The following GALC variants were observed in gnomAD, a reference collection of about 807,000 sequenced individuals.
The protein encoded by GALC is galactosylceramidase.
A neutral mutation model predicts 91.8 loss-of-function variants in GALC; 77 were observed. That is an observed-to-expected ratio of 0.84 (90% confidence interval 0.70 to 1.01). The LOEUF is 1.01. Among genes scored for constraint, GALC ranks in the 50% least tolerant of loss-of-function variants. GALC has a pLI of 0.00. For synonymous variants in GALC, 357 were observed against 306.7 expected (o/e 1.16, Z -1.71); for missense variants, 882 against 855.9 (o/e 1.03, Z -0.38).
intron 1 of GALC, among the ~76,000 whole-genome samples, chr14:87,991,701 T>C (rs1887208417): frequency 6.6e-6 from 1 of 152,242 alleles, no homozygotes; most frequent in South Asian, 2.1e-4. Context: ...ATGAACTATA[T>C]AGGGATACTA....
intron 1 of GALC, chr14:87,992,703 C>T: frequency 7.0e-7 from 1 of 1,432,760 alleles, no homozygotes; most frequent in South Asian, 1.5e-5. Context: ...AGACCTGTCA[C>T]TTTACTCTCT....
chr14:87,972,419 C>T (rs1886331106), intron 7 of GALC, among the ~76,000 whole-genome samples: 1 of 151,776 alleles, frequency 6.6e-6, no homozygotes, highest in African/African-American at 2.4e-5. Flanking sequence ...AAAATCTTTC[C>T]AAGAGGAGAT....
chr14:87,936,914 T>TATATATATATCTATATA (rs60680373), intron 16 of GALC, among the ~76,000 whole-genome samples: 1 of 105,662 alleles, frequency 9.5e-6, no homozygotes, highest in Non-Finnish European at 1.8e-5. Flanking sequence ...ATATATATAT[T>TATATATATATCTATATA]TATTTATTTT....
intron 14 of GALC, among the ~76,000 whole-genome samples, chr14:87,943,680 T>C (rs1181682694): frequency 6.6e-6 from 1 of 151,984 alleles, no homozygotes; most frequent in African/African-American, 2.4e-5. Context: ...ATCTCCACCA[T>C]AAAGTGGTTG....
intron 1 of GALC, 28 bp downstream of exon 1, chr14:87,992,942 C>A: frequency 2.7e-6 from 4 of 1,502,574 alleles, no homozygotes; most frequent in South Asian, 1.2e-5. Context: ...TTGCCGCCCC[C>A]CGCGTATCCC....
chr14:87,992,545 C>G, intron 1 of GALC: 1 of 1,516,758 alleles, frequency 6.6e-7, no homozygotes, highest in South Asian at 1.2e-5. Flanking sequence ...CAAAGCATCC[C>G]ACTGGGGCGT....
chr14:87,989,774 T>C (rs543431408), intron 1 of GALC: 1 of 152,324 alleles, frequency 6.6e-6, no homozygotes, highest in East Asian at 1.9e-4. Context: ...CTTCCCAAAA[T>C]ACAAATGTAA....
rs143180870 is a variant in GALC, at chr14:87,955,625, C to T, written c.1162-4877G>A. ...AATCATTTCCTTGATTACAACTATA[C>T]ATGATAATGGATTAGTTTATATAAA... On this transcript the variant is annotated intron_variant, in intron 10 of 16. Transcript: ENST00000261304. Among the ~76,000 whole-genome samples the T allele has an allele frequency of 4.0e-3, 611 of 152,148 alleles. 2 individuals are homozygous for T. Among genetic ancestry groups the T allele is most frequent in the African/African-American group, 0.014 (587 of 41,538 alleles).
upstream of GALC, chr14:87,993,338 C>G: frequency 2.6e-6 from 4 of 1,535,488 alleles, no homozygotes; most frequent in Non-Finnish European, 3.5e-6. Context: ...TTTTTCTTAT[C>G]GCTCGCGTGT....
Position 87,941,534 on chromosome 14 carries a change from A to G in GALC, c.1695T>C (p.Asp565=), listed in dbSNP as rs1283585586. 6 of 1,583,036 alleles carry G rather than the reference A, an allele frequency of 3.8e-6. No homozygotes were observed. The highest frequency in any genetic ancestry group is 3.5e-6 in the Non-Finnish European group (4 of 1,152,268). The change falls in exon 15 of 17, where the codon GAT becomes GAC. Residue 565 remains aspartate, a synonymous_variant. Coordinates refer to ENST00000261304, the MANE Select transcript of GALC (RefSeq NM_000153.4). ...YNWTNLTIKC[D]VYIETPDTGG... Reference sequence around the variant, plus strand: ...CTGTGTCAGGGGTCTCTATGTATACATCACACTTTATAGTCAGATTGGTCC... The same window carrying G: ...CTGTGTCAGGGGTCTCTATGTATACGTCACACTTTATAGTCAGATTGGTCC...
intron 14 of GALC, among the ~76,000 whole-genome samples, chr14:87,942,155 C>T (rs1398768375): frequency 6.6e-6 from 1 of 152,000 alleles, no homozygotes; most frequent in East Asian, 1.9e-4. Flanking sequence ...ACCTGGAGGG[C>T]TTCTTAAACT....
intron 6 of GALC, among the ~76,000 whole-genome samples, chr14:87,980,120 T>C (rs1403689674): frequency 6.6e-6 from 1 of 152,162 alleles, no homozygotes; most frequent in Non-Finnish European, 1.5e-5. Flanking sequence ...CAGTGGCTCA[T>C]GCCTGTAATC....
chr14:87,977,378 T>G (rs1886544090), intron 6 of GALC, among the ~76,000 whole-genome samples: 1 of 152,116 alleles, frequency 6.6e-6, no homozygotes, highest in African/African-American at 2.4e-5. Flanking sequence ...CCATGAGGAC[T>G]CTAAAAGAAG....
rs1224105982 is a variant in GALC, at chr14:87,953,741, A to T, written c.1162-2993T>A. On this transcript the variant is annotated intron_variant, in intron 10 of 16. Coordinates refer to ENST00000261304, the MANE Select transcript of GALC (RefSeq NM_000153.4). ...GGAGATTCTGTTGTAGAAATGGATCAGAGGAATGTGTCTGAATTTAAGGGT... is the reference window on the plus strand; with the variant it reads ...GGAGATTCTGTTGTAGAAATGGATCTGAGGAATGTGTCTGAATTTAAGGGT... 7 of 1,606,112 alleles carry T rather than the reference A, an allele frequency of 4.4e-6. No homozygotes were observed. The East Asian group carries it at 1.3e-4, about 31-fold the overall frequency.
intron 8 of GALC, among the ~76,000 whole-genome samples, chr14:87,966,265 A>G (rs1314454912): frequency 2.0e-5 from 3 of 152,182 alleles, no homozygotes; most frequent in Non-Finnish European, 2.9e-5. Context: ...CACTTCATCT[A>G]TAAGTAGTAA....
intron 12 of GALC, among the ~76,000 whole-genome samples, chr14:87,948,809 TAA>T (rs754249131): frequency 5.9e-5 from 9 of 152,130 alleles, no homozygotes; most frequent in Admixed American, 2.6e-4. Context: ...TTTCAGAACT[TAA>T]TACATAATAA....
chr14:87,937,035 T>C lies in GALC; in HGVS notation c.1912-2157A>G, dbSNP rs115879002. On this transcript the variant is annotated intron_variant, in intron 16 of 16. Coordinates refer to ENST00000261304, the MANE Select transcript of GALC (RefSeq NM_000153.4). ...AGAATATAGTAGACTTCAAAGTCCATTGTGCTACCCACCATGCAACAGAAC... is the reference window on the plus strand; with the variant it reads ...AGAATATAGTAGACTTCAAAGTCCACTGTGCTACCCACCATGCAACAGAAC... Among the ~76,000 whole-genome samples the C allele has an allele frequency of 2.3e-3, 351 of 151,500 alleles. 1 individual carries two copies. The highest frequency in any genetic ancestry group is 8.1e-3 in the African/African-American group (336 of 41,294).
chr14:87,947,622 T>C (rs1386903220), intron 13 of GALC, 106 bp downstream of exon 13: 5 of 1,056,340 alleles, frequency 4.7e-6, no homozygotes, highest in Admixed American at 1.7e-5. Flanking sequence ...GGTAAATGAA[T>C]GTGCTTTTGA....
At chr14:87,993,425 G>A, upstream of GALC, 2 of 1,535,862 alleles carry the variant, frequency 1.3e-6, no homozygotes, top group South Asian at 2.4e-5. Context: ...GCACTTTAAC[G>A]CAGGGAAGGT....
Sources: gnomAD v4.1 joint callset for allele counts (sites outside exome capture counted in the v4.1 genomes callset) on GRCh38, gnomAD v4.1.1 for gene constraint, MANE v1.5 for transcripts, NCBI Gene and HGNC (gene_info 2026-07-23, HGNC 2026-07-21) for gene names.